The following DLG2 variants were observed in gnomAD, a reference collection of about 807,000 sequenced individuals.
DLG2 encodes discs large MAGUK scaffold protein 2, also known as disks large homolog 2.
A neutral mutation model predicts 132.5 loss-of-function variants in DLG2; 45 were observed. The observed-to-expected ratio is 0.34, with a 90% confidence interval of 0.27 to 0.44. The LOEUF is 0.44. DLG2 is among the 20% of genes least tolerant of loss of function. The pLI is 1.00. For synonymous variants in DLG2, 424 were observed against 419.6 expected, an observed-to-expected ratio of 1.01 and a Z score of -0.13; for missense variants, 1,045 against 1,196.9, an observed-to-expected ratio of 0.87 and a Z score of 1.87.
rs531012261 is a variant in DLG2 at position 84,254,941 on chromosome 11, C to T, written c.520-3650G>A. 9.2e-5 allele frequency among the ~76,000 whole-genome samples: 14 copies of T among 152,288 alleles called. 1 individual carries two copies. The highest frequency in any genetic ancestry group is 1.2e-4 in the African/African-American group (5 of 41,566). ...TATCACATACACCTGACATTGGTAA[C>T]GCCCTGGTGTGACTGCCAAAGAGAT... On this transcript the variant is annotated intron_variant, in intron 7 of 27. Transcript: ENST00000376104.
intron 6 of DLG2, among the ~76,000 whole-genome samples, chr11:84,973,660 T>C (rs1237440602): frequency 3.3e-5 from 5 of 152,144 alleles, no homozygotes; most frequent in Non-Finnish European, 7.4e-5. Flanking sequence ...TATGAAAAAA[T>C]AGTTATCAAT....
intron 18 of DLG2, among the ~76,000 whole-genome samples, chr11:83,744,564 T>C (rs376615269): frequency 2.0e-4 from 30 of 152,228 alleles, no homozygotes; most frequent in Admixed American, 1.9e-3. Context: ...CGTAGCCACA[T>C]ACCAGAGAGT....
chr11:85,458,080 T>C (rs192768717), intron 3 of DLG2, among the ~76,000 whole-genome samples: 126 of 152,350 alleles, frequency 8.3e-4, no homozygotes, highest in South Asian at 2.9e-3. Context: ...CAGTGAGTCA[T>C]AGATTTGGTT....
rs1226699684 is a variant in DLG2, at chr11:84,600,237, AGAAAAGC to A, written c.358-65513_358-65507del. 7.7e-4 allele frequency among the ~76,000 whole-genome samples: 97 copies of A among 125,676 alleles called. 1 individual carries two copies. Among genetic ancestry groups the A allele is most frequent in the South Asian group, 5.9e-3 (22 of 3,698 alleles). The allele number at this position is 125,676 out of a possible 152,430, so 82.4% of individuals were successfully genotyped here. ...GAAAGAAAGAAAGAGAAAGAAAGAC[AGAAAAGC>A]AAGCAAGCAAGCAGGCAGGCAGGCG... On this transcript the variant is annotated intron_variant, in intron 6 of 27. Transcript: ENST00000376104.
chr11:83,871,881 T>C (rs1377859917), intron 16 of DLG2, among the ~76,000 whole-genome samples: 1 of 152,188 alleles, frequency 6.6e-6, no homozygotes, highest in Non-Finnish European at 1.5e-5. Flanking sequence ...AAAATAAATT[T>C]TGTTTTTTTT....
intron 3 of DLG2, among the ~76,000 whole-genome samples, chr11:85,579,053 A>G (rs2078343216): frequency 6.6e-6 from 1 of 152,172 alleles, no homozygotes; most frequent in South Asian, 2.1e-4. Flanking sequence ...ACACAGCCAT[A>G]AAAAAGAACA....
At chr11:83,664,028 T>C (rs937900477) in intron 18 of DLG2, among the ~76,000 whole-genome samples, 9 of 152,212 alleles carry the variant, frequency 5.9e-5, no homozygotes, top group African/African-American at 2.2e-4. Flanking sequence ...TTCTGTGACC[T>C]GTTTTTTCAT....
At chr11:83,694,424 A>G (rs1362538242) in intron 18 of DLG2, among the ~76,000 whole-genome samples, 2 of 152,208 alleles carry the variant, frequency 1.3e-5, no homozygotes, top group Non-Finnish European at 2.9e-5. Context: ...AACATGATTC[A>G]CAGTCATTCA....
intron 7 of DLG2, among the ~76,000 whole-genome samples, chr11:84,357,765 T>C (rs1198719401): frequency 2.0e-5 from 3 of 152,034 alleles, no homozygotes; most frequent in African/African-American, 7.2e-5. Context: ...AAATTATTAC[T>C]AGTGAAAGTA....
chr11:84,055,490 A>T (rs2096483132), intron 11 of DLG2, among the ~76,000 whole-genome samples: 1 of 152,120 alleles, frequency 6.6e-6, no homozygotes, highest in Non-Finnish European at 1.5e-5. Context: ...GCTAAGCATG[A>T]TCTGGCCCTT....
At chr11:84,956,591 C>T (rs1388203836) in intron 6 of DLG2, among the ~76,000 whole-genome samples, 1 of 152,136 alleles carries the variant, frequency 6.6e-6, no homozygotes, top group African/African-American at 2.4e-5. Flanking sequence ...GGCTTTTCTG[C>T]CTGTGTTTTT....
chr11:84,722,484 T>C (rs765765841), intron 6 of DLG2, among the ~76,000 whole-genome samples: 20 of 152,248 alleles, frequency 1.3e-4, no homozygotes, highest in Admixed American at 3.9e-4. Context: ...GCCCCACCCA[T>C]ATCCAAAATA....
At chr11:84,889,417 G>T (rs1169966074) in intron 6 of DLG2, among the ~76,000 whole-genome samples, 1 of 152,118 alleles carries the variant, frequency 6.6e-6, no homozygotes, top group African/African-American at 2.4e-5. Flanking sequence ...CAAGATATGG[G>T]TGTTCCAAGA....
At chr11:84,368,516 G>C (rs2098693223) in intron 7 of DLG2, among the ~76,000 whole-genome samples, 1 of 151,984 alleles carries the variant, frequency 6.6e-6, no homozygotes, top group South Asian at 2.1e-4. Flanking sequence ...AAAGCAAATT[G>C]CTCATTCAGA....
chr11:83,523,981 T>G (rs894282311), intron 21 of DLG2, among the ~76,000 whole-genome samples: 1 of 152,104 alleles, frequency 6.6e-6, no homozygotes, highest in Non-Finnish European at 1.5e-5. Flanking sequence ...TTTTGGCAAC[T>G]CTCCCTTCTT....
At chr11:84,151,855 G>A (rs1456144862) in intron 9 of DLG2, among the ~76,000 whole-genome samples, 5 of 152,178 alleles carry the variant, frequency 3.3e-5, no homozygotes, top group Admixed American at 2.0e-4. Flanking sequence ...GTGTGGTTTT[G>A]AGAGATCTTC....
At chr11:84,096,568 A>G (rs1164405857) in intron 10 of DLG2, among the ~76,000 whole-genome samples, 1 of 152,150 alleles carries the variant, frequency 6.6e-6, no homozygotes, top group Non-Finnish European at 1.5e-5. Flanking sequence ...TAAAGGGTGG[A>G]GGTTCTCCCC....
chr11:84,773,379 T>A (rs1456304450), intron 6 of DLG2, among the ~76,000 whole-genome samples: 1 of 152,126 alleles, frequency 6.6e-6, no homozygotes, highest in Non-Finnish European at 1.5e-5. Flanking sequence ...CTACTGGAAT[T>A]ATTCCAAGAT....
intron 6 of DLG2, among the ~76,000 whole-genome samples, chr11:84,901,354 T>C (rs1347868593): frequency 6.6e-6 from 1 of 152,032 alleles, no homozygotes; most frequent in African/African-American, 2.4e-5. Context: ...GTCTCCGCAA[T>C]ATATCCTGAC....
Sources: gnomAD v4.1 joint callset for allele counts (sites outside exome capture counted in the v4.1 genomes callset) on GRCh38, gnomAD v4.1.1 for gene constraint, MANE v1.5 for transcripts, NCBI Gene and HGNC (gene_info 2026-07-23, HGNC 2026-07-21) for gene names.